The following STXBP5L variants were observed in gnomAD, a reference collection of about 807,000 sequenced individuals.
STXBP5L encodes the protein syntaxin-binding protein 5-like.
A neutral mutation model predicts 144.5 loss-of-function variants in STXBP5L; 65 were observed. The observed-to-expected ratio is 0.45, with a 90% CI of 0.37 to 0.55. The LOEUF (loss-of-function observed/expected upper bound fraction) is 0.55, where lower values mean the gene tolerates loss of function less well. Among genes scored for constraint, STXBP5L ranks in the 20% least tolerant of loss-of-function variants. STXBP5L has a pLI of 0.00. For synonymous variants in STXBP5L, 505 were observed against 469.6 expected (o/e 1.08, Z -0.97); for missense variants, 1,298 against 1,405.5 (o/e 0.92, Z 1.22).
intron 18 of STXBP5L, among the ~76,000 whole-genome samples, chr3:121,260,120 C>T (rs1434014778): frequency 6.6e-6 from 1 of 152,084 alleles, no homozygotes; most frequent in Non-Finnish European, 1.5e-5. Context: ...TATAATCAAA[C>T]TTTCCATCCT....
intron 5 of STXBP5L, among the ~76,000 whole-genome samples, chr3:121,081,050 T>G (rs1408154163): frequency 1.3e-5 from 2 of 152,118 alleles, no homozygotes; most frequent in Non-Finnish European, 2.9e-5. Flanking sequence ...AGACTTTATT[T>G]TTTTAATTCT....
intron 3 of STXBP5L, among the ~76,000 whole-genome samples, chr3:120,998,894 CA>C (rs1943558343): frequency 6.6e-6 from 1 of 152,136 alleles, no homozygotes; most frequent in Non-Finnish European, 1.5e-5. Flanking sequence ...AAAAACACTC[CA>C]ATCTCATGGA....
At chr3:121,331,972 A>G (rs1446558859) in intron 20 of STXBP5L, among the ~76,000 whole-genome samples, 1 of 149,502 alleles carries the variant, frequency 6.7e-6, no homozygotes. Context: ...GACTTTCTAT[A>G]ACCAAGAAAC....
chr3:121,280,314 G>C (rs1004455597), intron 19 of STXBP5L, among the ~76,000 whole-genome samples: 3 of 151,764 alleles, frequency 2.0e-5, no homozygotes, highest in African/African-American at 7.3e-5. Context: ...TGTCAAACAG[G>C]TTAACTTTCT....
At chr3:121,335,335 G>A (rs1026720556) in intron 20 of STXBP5L, among the ~76,000 whole-genome samples, 5 of 152,168 alleles carry the variant, frequency 3.3e-5, no homozygotes, top group African/African-American at 9.6e-5. Context: ...AAATATCCAC[G>A]TTCATGGATA....
In STXBP5L at chr3:121,407,488, C is replaced by A; in HGVS notation, c.2833C>A (p.Leu945Ile). 6.2e-7 allele frequency: 1 copy of A among 1,613,304 alleles called. No individual in the cohort carries two copies. The highest frequency in any genetic ancestry group is 8.5e-7 in the Non-Finnish European group (1 of 1,179,510). Residue 945 changes from leucine to isoleucine, a missense_variant, in exon 23 of 27, where the codon CTT (leucine) becomes ATT (isoleucine). Leu to Ile is a conservative substitution (Grantham distance 5). Transcript: ENST00000471454. ...KVFSLPSQTC[L>I]YVHNITETSF... ...CTTCTCACTGCCTTCTCAGACTTGC[C>A]TTTATGTTCATAACATCACGGAGAC...
intron 3 of STXBP5L, among the ~76,000 whole-genome samples, chr3:120,981,844 G>C (rs774763277): frequency 6.6e-6 from 1 of 152,152 alleles, no homozygotes; most frequent in Non-Finnish European, 1.5e-5. Flanking sequence ...ATGGGACATT[G>C]TTTTTCCTCC....
intron 7 of STXBP5L, among the ~76,000 whole-genome samples, chr3:121,146,824 A>G (rs898429625): frequency 1.3e-5 from 2 of 152,108 alleles, no homozygotes; most frequent in African/African-American, 4.8e-5. Flanking sequence ...ACATAGATTT[A>G]TAGTATACAG....
intron 7 of STXBP5L, among the ~76,000 whole-genome samples, chr3:121,126,990 T>C (rs2044734321): frequency 6.6e-6 from 1 of 152,164 alleles, no homozygotes; most frequent in Admixed American, 6.6e-5. Context: ...TTATAAAATA[T>C]TTTATGTTGT....
rs571995258 is a variant in STXBP5L, at chr3:121,022,019, A to G, written c.288-19681A>G. Among the ~76,000 whole-genome samples, 5 of 152,300 alleles carry G rather than the reference A, an allele frequency of 3.3e-5. No homozygotes were observed. In the South Asian group the frequency reaches 1.0e-3, roughly 32 times the overall value. ...AGATAAATAAAATTGATAGGCCATT[A>G]GCAAGATTAACCAAGAAAAGAAGAG... On this transcript the variant is annotated intron_variant, in intron 3 of 26. Transcript: ENST00000471454.
chr3:120,973,803 T>C (rs1940580183), intron 3 of STXBP5L, among the ~76,000 whole-genome samples: 1 of 152,024 alleles, frequency 6.6e-6, no homozygotes, highest in African/African-American at 2.4e-5. Context: ...GTTTGGTTTT[T>C]TGTTCTTGCG....
chr3:121,182,803 T>A (rs2047214405), intron 9 of STXBP5L, among the ~76,000 whole-genome samples: 1 of 152,024 alleles, frequency 6.6e-6, no homozygotes, highest in East Asian at 1.9e-4. Context: ...GAATTAGAAA[T>A]GAAAGGAGAG....
rs563479084 is a variant in STXBP5L, at chr3:121,257,316, C to G, written c.1815C>G (p.Asp605Glu). ...NTVASEGVTKDSIPCLNVKTR... is the reference protein window; with the variant it reads ...NTVASEGVTKESIPCLNVKTR... ...TTGCTAGTGAAGGAGTAACAAAGGACAGTATTCCATGCCTCAAGTAAGAGT... is the reference window on the plus strand; with the variant it reads ...TTGCTAGTGAAGGAGTAACAAAGGAGAGTATTCCATGCCTCAAGTAAGAGT... Residue 605 changes from aspartate to glutamate, a missense_variant, in exon 17 of 27, where the codon GAC becomes GAG. Physicochemically the swap from Asp to Glu is conservative, Grantham distance 45. Transcript: ENST00000471454. The G allele has an allele frequency of 3.1e-6, 5 of 1,611,736 alleles. No individual in the cohort carries two copies. In the South Asian group the frequency reaches 5.5e-5, roughly 18 times the overall value.
At position 121,233,638 on chromosome 3, in the gene STXBP5L, C is replaced by T. The variant is rs189961487; in HGVS notation, c.1134C>T (p.Val378=). The change falls in exon 12 of 27, where the codon GTC becomes GTT. Residue 378 remains valine, a synonymous_variant. Transcript: ENST00000471454. ...TAGAATTTCAAGAACCCTATGCTGTCGTGGTACTTCTGGAGAAAGATCTCA... is the reference window on the plus strand; with the variant it reads ...TAGAATTTCAAGAACCCTATGCTGTTGTGGTACTTCTGGAGAAAGATCTCA... ...YPNEFQEPYA[V]VVLLEKDLIV... 45 of 1,612,254 alleles carry T rather than the reference C, an allele frequency of 2.8e-5. No homozygotes were observed. Among genetic ancestry groups the T allele is most frequent in the Middle Eastern group, 1.7e-4 (1 of 6,044 alleles).
chr3:120,984,632 C>CTTT lies in STXBP5L; in HGVS notation c.287+29615_287+29617dup, dbSNP rs35656223. ...TGGATGCCTTTCATTTCTTTCTTTC[C>CTTT]TTTTTTTTTTTTTTTTTTTTTTGCC... On this transcript the variant is annotated intron_variant, in intron 3 of 26. Transcript: ENST00000471454. 3.0e-3 allele frequency among the ~76,000 whole-genome samples: 219 copies of CTTT among 71,960 alleles called. 2 individuals carry two copies. The highest frequency in any genetic ancestry group is 0.015 in the Middle Eastern group (1 of 68). The allele number at this position is 71,960 out of a possible 152,430, so 47.2% of individuals were successfully genotyped here. A position where few individuals can be genotyped will look rare whatever the true frequency, so the allele number is the denominator to read the frequency against.
intron 4 of STXBP5L, among the ~76,000 whole-genome samples, chr3:121,043,432 C>T (rs1048531998): frequency 2.0e-5 from 3 of 151,958 alleles, no homozygotes; most frequent in Admixed American, 2.0e-4. Context: ...GAATACTGGC[C>T]GGGCGCGGTG....
At chr3:121,144,139 TAA>T (rs3070611) in intron 7 of STXBP5L, among the ~76,000 whole-genome samples, 44,067 of 134,342 alleles carry the variant, frequency 0.33, 7,004 homozygotes, top group Admixed American at 0.45. Flanking sequence ...AACTCAATAG[TAA>T]AAAAAAAAAA....
rs138329008 is a variant in STXBP5L at position 120,989,304 on chromosome 3, T to C, written c.287+34267T>C. Among the ~76,000 whole-genome samples the C allele has an allele frequency of 4.5e-3, 693 of 152,308 alleles. 4 individuals carry two copies. Among genetic ancestry groups the C allele is most frequent in the African/African-American group, 0.016 (660 of 41,582 alleles). On this transcript the variant is annotated intron_variant, in intron 3 of 26. Transcript: ENST00000471454. ...CATCCTCATCAATATCTGTTGTTGA[T>C]TGACTTTTAAATAATAGCCATTCTG...
chr3:121,399,282 G>C (rs1313224236), intron 22 of STXBP5L, among the ~76,000 whole-genome samples: 1 of 152,066 alleles, frequency 6.6e-6, no homozygotes, highest in African/African-American at 2.4e-5. Context: ...AGAGTACTCG[G>C]GTGTCCTCCA....
Sources: gnomAD v4.1 joint callset for allele counts (sites outside exome capture counted in the v4.1 genomes callset) on GRCh38, gnomAD v4.1.1 for gene constraint, MANE v1.5 for transcripts, NCBI Gene and HGNC (gene_info 2026-07-23, HGNC 2026-07-21) for gene names.